PSMG4: variants seen among roughly 807,000 people sequenced by gnomAD.
PSMG4 encodes proteasome (prosome, macropain) assembly chaperone 4.
Under a neutral mutation model 11.0 loss-of-function variants are expected in PSMG4, and 10 were observed. The ratio of observed to expected loss-of-function variants is 0.91; its 90% CI spans 0.56 to 1.54. The LOEUF (loss-of-function observed/expected upper bound fraction) is 1.54, where lower values mean the gene tolerates loss of function less well. Among genes scored for constraint, PSMG4 ranks in the 40% most tolerant of loss-of-function variants. PSMG4 has a pLI of 0.00. For synonymous variants in PSMG4, 95 were observed against 71.3 expected (o/e 1.33, Z -1.68); for missense variants, 198 against 160.9 (o/e 1.23, Z -1.25).
At chr6:3,257,126 GCTTTGT>G (rs1243644324), upstream of PSMG4, among the ~76,000 whole-genome samples, 1 of 152,174 alleles carries the variant, frequency 6.6e-6, no homozygotes, top group Non-Finnish European at 1.5e-5. Context: ...GGAAAATCTG[GCTTTGT>G]CACCTCTATT....
intron 1 of PSMG4, among the ~76,000 whole-genome samples, chr6:3,259,504 G>T (rs2127256875): frequency 6.6e-6 from 1 of 152,364 alleles, no homozygotes; most frequent in East Asian, 1.9e-4. Flanking sequence ...CGTCTGCCTC[G>T]TAGCTCTCCT....
upstream of PSMG4, among the ~76,000 whole-genome samples, chr6:3,256,962 C>T (rs1225838223): frequency 6.7e-6 from 1 of 150,368 alleles, no homozygotes; most frequent in Admixed American, 6.7e-5. Context: ...GAGGGGGGTT[C>T]CTGAGGACGT....
At position 3,267,666 on chromosome 6, in the gene PSMG4, A is replaced by T; in HGVS notation, c.326A>T (p.Glu109Val). Residue 109 changes from glutamate to valine, a missense_variant, in exon 3 of 3, where the codon GAA becomes GTA. Glu to Val is a moderately radical substitution (Grantham distance 121, BLOSUM62 -2). Transcript: ENST00000438998. ...GACAGTAACTTCGCATTACTTGTAG[A>T]AAACAGGATCAAGGAAGAGATGGAG... ...NTDSNFALLVENRIKEEMEAF... is the reference protein window; with the variant it reads ...NTDSNFALLVVNRIKEEMEAF... 1.9e-6 allele frequency: 3 copies of T among 1,552,302 alleles called. No homozygotes were observed. Among genetic ancestry groups the T allele is most frequent in the Non-Finnish European group, 2.6e-6 (3 of 1,147,096 alleles).
upstream of PSMG4, chr6:3,255,263 C>A: frequency 6.5e-7 from 1 of 1,546,086 alleles, no homozygotes; most frequent in South Asian, 1.2e-5. Context: ...TCTGTGTTAC[C>A]ACGGCTGTCT....
At chr6:3,255,166 G>A (rs768037217), upstream of PSMG4, 22 of 1,550,750 alleles carry the variant, frequency 1.4e-5, no homozygotes, top group South Asian at 4.8e-5. Flanking sequence ...CCATACTGAC[G>A]GCTTACATGT....
chr6:3,260,291 A>ATATATATTT, intron 1 of PSMG4, among the ~76,000 whole-genome samples: 18 of 70,868 alleles, frequency 2.5e-4, no homozygotes, highest in Admixed American at 1.7e-3. Flanking sequence ...ATATATATAT[A>ATATATATTT]TTTTTTTTTT....
upstream of PSMG4, among the ~76,000 whole-genome samples, chr6:3,256,908 C>T (rs773708783): frequency 3.9e-5 from 6 of 152,188 alleles, no homozygotes; most frequent in Middle Eastern, 3.4e-3. Flanking sequence ...TGAAGTGGAC[C>T]TAGGTGGCAC....
In PSMG4 at chr6:3,258,950, C is replaced by G; in HGVS notation, c.-73C>G. The G allele has an allele frequency of 8.2e-7, 1 of 1,212,822 alleles. No homozygotes were observed. Among genetic ancestry groups the G allele is most frequent in the Non-Finnish European group, 1.0e-6 (1 of 968,858 alleles). 75.1% of individuals were successfully genotyped at this position (1,212,822 alleles called of 1,614,324 possible). On this transcript the variant is annotated 5_prime_UTR_variant, in exon 1 of 3. Coordinates refer to ENST00000438998, the MANE Select transcript of PSMG4 (RefSeq NM_001128591.2). ...CGCGCTCGGTCTCTCGGTGCTCGCT[C>G]CATCGGGTCTGGCGGGGCTGGCAGC...
upstream of PSMG4, among the ~76,000 whole-genome samples, chr6:3,257,570 C>T (rs1757808294): frequency 6.6e-6 from 1 of 152,042 alleles, no homozygotes; most frequent in Non-Finnish European, 1.5e-5. Context: ...CTTAGTAATA[C>T]AAAGACACAA....
intron 1 of PSMG4, among the ~76,000 whole-genome samples, chr6:3,260,969 A>AGT (rs1276391798): frequency 2.6e-5 from 4 of 152,074 alleles, no homozygotes; most frequent in African/African-American, 9.7e-5. Flanking sequence ...TCAGCCGTTG[A>AGT]GTGTTTCACG....
At chr6:3,259,395 C>G (rs1366932350) in intron 1 of PSMG4, among the ~76,000 whole-genome samples, 199 bp downstream of exon 1, 1 of 152,226 alleles carries the variant, frequency 6.6e-6, no homozygotes, top group Non-Finnish European at 1.5e-5. Flanking sequence ...GGCCCCGGGC[C>G]CCTCTCCTTG....
upstream of PSMG4, chr6:3,255,138 T>G: frequency 6.4e-7 from 1 of 1,550,926 alleles, no homozygotes; most frequent in South Asian, 1.2e-5. Flanking sequence ...TATTGGTCAT[T>G]CTCTTTGAGG....
intron 1 of PSMG4, among the ~76,000 whole-genome samples, chr6:3,259,413 G>A (rs970524822): frequency 1.1e-4 from 16 of 152,248 alleles, no homozygotes; most frequent in African/African-American, 3.9e-4. Context: ...TTGTCCCGCC[G>A]CCCCGCAGCT....
rs894644628 is a variant in PSMG4, at chr6:3,263,597, G to A, written c.175-87G>A. On this transcript the variant is annotated intron_variant, in intron 1 of 2. Coordinates refer to ENST00000438998, the MANE Select transcript of PSMG4 (RefSeq NM_001128591.2). ...CTCTGAACCTGCCACTGCCATCGTC[G>A]TGAAGAATCAGAAGCCCGGAAGCCA... The A allele has an allele frequency of 5.9e-6, 7 of 1,193,964 alleles. No individual in the cohort carries two copies. In the Admixed American group the frequency reaches 1.1e-4, roughly 19 times the overall value. The allele number at this position is 1,193,964 out of a possible 1,614,324, so 74.0% of individuals were successfully genotyped here. A position where few individuals can be genotyped will look rare whatever the true frequency, so the allele number is the denominator to read the frequency against.
At chr6:3,255,228 T>C (rs1057273938), upstream of PSMG4, 7 of 1,549,536 alleles carry the variant, frequency 4.5e-6, no homozygotes, top group East Asian at 1.2e-4. Context: ...AAATCAACTC[T>C]GGTAAGCCTT....
chr6:3,259,738 C>A (rs1438402736), intron 1 of PSMG4, among the ~76,000 whole-genome samples: 1 of 152,170 alleles, frequency 6.6e-6, no homozygotes, highest in East Asian at 1.9e-4. Context: ...GTGCTGAGTC[C>A]CTAGGCACTG....
upstream of PSMG4, chr6:3,254,985 C>A: frequency 6.7e-7 from 1 of 1,500,092 alleles, no homozygotes; most frequent in East Asian, 2.5e-5. Flanking sequence ...GCTGTGGATC[C>A]CATGGACCTA....
chr6:3,256,100 T>C (rs1757752331), upstream of PSMG4, among the ~76,000 whole-genome samples: 2 of 152,200 alleles, frequency 1.3e-5, no homozygotes. Context: ...ATCCTTTGGC[T>C]CCTGAAGGGT....
chr6:3,256,365 T>C (rs1447917387), upstream of PSMG4, among the ~76,000 whole-genome samples: 1 of 152,226 alleles, frequency 6.6e-6, no homozygotes, highest in East Asian at 1.9e-4. Flanking sequence ...GAGGACTCCC[T>C]TTATTTTCTG....
Sources: allele counts gnomAD v4.1 joint callset (sites outside exome capture counted in the v4.1 genomes callset), GRCh38; gene constraint gnomAD v4.1.1; transcripts MANE v1.5; gene names NCBI Gene and HGNC (gene_info 2026-07-23, HGNC 2026-07-21).